The following SIPA1L1 variants were observed in gnomAD, a reference collection of about 807,000 sequenced individuals.
SIPA1L1 encodes signal induced proliferation associated 1 like 1.
SIPA1L1 carries 26 observed loss-of-function variants against 162.7 expected under a neutral mutation model. The ratio of observed to expected loss-of-function variants is 0.16; its 90% CI spans 0.12 to 0.22. The LOEUF (loss-of-function observed/expected upper bound fraction) is 0.22, where lower values mean the gene tolerates loss of function less well. Ranked by LOEUF, SIPA1L1 falls within the 10% of genes least tolerant of loss-of-function variation. The pLI is 1.00. For synonymous variants in SIPA1L1, 829 were observed against 837.4 expected, an observed-to-expected ratio of 0.99 and a Z score of 0.17; for missense variants, 1,874 against 2,241.0, an observed-to-expected ratio of 0.84 and a Z score of 3.31.
chr14:71,643,628 T>C (rs2148958719), intron 7 of SIPA1L1, among the ~76,000 whole-genome samples: 1 of 152,344 alleles, frequency 6.6e-6, no homozygotes, highest in East Asian at 1.9e-4. Flanking sequence ...TGGACTCACA[T>C]ATGTGCATCT....
intron 7 of SIPA1L1, among the ~76,000 whole-genome samples, chr14:71,643,361 T>G (rs1319511125): frequency 6.6e-6 from 1 of 152,208 alleles, no homozygotes; most frequent in Non-Finnish European, 1.5e-5. Context: ...AGTTCTCAGA[T>G]GTTTACGTCT....
At chr14:71,688,247 T>C (rs1438826554) in intron 13 of SIPA1L1, among the ~76,000 whole-genome samples, 1 of 152,218 alleles carries the variant, frequency 6.6e-6, no homozygotes, top group African/African-American at 2.4e-5. Context: ...TTTTGAGCAC[T>C]GACATGATGC....
intron 3 of SIPA1L1, among the ~76,000 whole-genome samples, chr14:71,523,527 T>C (rs1205108951): frequency 2.0e-5 from 3 of 152,240 alleles, no homozygotes; most frequent in African/African-American, 7.2e-5. Flanking sequence ...CTAACTGATC[T>C]CTACACTGCA....
intron 2 of SIPA1L1, among the ~76,000 whole-genome samples, chr14:71,484,352 A>G (rs1185046178): frequency 1.3e-5 from 2 of 151,026 alleles, no homozygotes; most frequent in Non-Finnish European, 2.9e-5. Flanking sequence ...TTGATACTCA[A>G]ATAAGTAATC....
At chr14:71,734,743 C>A (rs2085130250) in intron 21 of SIPA1L1, among the ~76,000 whole-genome samples, 1 of 152,124 alleles carries the variant, frequency 6.6e-6, no homozygotes, top group Admixed American at 6.5e-5. Context: ...CCTTCATATA[C>A]AAATGGTAGA....
chr14:71,353,875 T>C (rs951157053), intron 2 of SIPA1L1, among the ~76,000 whole-genome samples: 13 of 151,956 alleles, frequency 8.6e-5, no homozygotes, highest in African/African-American at 2.9e-4. Flanking sequence ...GCAGAAGATG[T>C]GGAGTAGTGC....
At chr14:71,727,146 C>T (rs1474293810) in intron 19 of SIPA1L1, among the ~76,000 whole-genome samples, 2 of 152,020 alleles carry the variant, frequency 1.3e-5, no homozygotes, top group Non-Finnish European at 2.9e-5. Flanking sequence ...GATAGGATAA[C>T]GTTATTTTCC....
chr14:71,417,064 C>T (rs1294647922), intron 2 of SIPA1L1, among the ~76,000 whole-genome samples: 2 of 151,998 alleles, frequency 1.3e-5, no homozygotes, highest in African/African-American at 4.8e-5. Flanking sequence ...ATGTAACTTT[C>T]GACTCCTCCA....
chr14:71,362,599 C>T (rs2037914739), intron 2 of SIPA1L1, among the ~76,000 whole-genome samples: 2 of 152,186 alleles, frequency 1.3e-5, no homozygotes, highest in Non-Finnish European at 2.9e-5. Context: ...CATCTTTGAT[C>T]AAATTGATAT....
chr14:71,551,308 G>A (rs189226443), intron 4 of SIPA1L1, among the ~76,000 whole-genome samples: 3 of 152,228 alleles, frequency 2.0e-5, no homozygotes, highest in Admixed American at 2.0e-4. Flanking sequence ...TGACACTGAA[G>A]TCTCACATTC....
chr14:71,683,675 A>G (rs558025596), intron 12 of SIPA1L1, among the ~76,000 whole-genome samples: 132 of 152,356 alleles, frequency 8.7e-4, no homozygotes, highest in African/African-American at 3.1e-3. Context: ...GCTTGAAATT[A>G]TATCAGAGCC....
At chr14:71,323,919 A>G (rs1048754512) in intron 2 of SIPA1L1, among the ~76,000 whole-genome samples, 1 of 152,222 alleles carries the variant, frequency 6.6e-6, no homozygotes, top group Non-Finnish European at 1.5e-5. Flanking sequence ...AAGGTTATAC[A>G]TAATAGGCAA....
At chr14:71,413,188 G>A (rs1392016226) in intron 2 of SIPA1L1, among the ~76,000 whole-genome samples, 1 of 152,170 alleles carries the variant, frequency 6.6e-6, no homozygotes, top group African/African-American at 2.4e-5. Flanking sequence ...AATGTTACCA[G>A]ATGTTGCAAG....
intron 2 of SIPA1L1, among the ~76,000 whole-genome samples, chr14:71,404,326 C>T (rs1465024797): frequency 6.6e-6 from 1 of 152,140 alleles, no homozygotes; most frequent in East Asian, 1.9e-4. Flanking sequence ...GGCAGATCAT[C>T]TGAGGTCAGG....
chr14:71,511,094 G>A (rs2081809513), intron 2 of SIPA1L1, among the ~76,000 whole-genome samples: 1 of 152,186 alleles, frequency 6.6e-6, no homozygotes, highest in African/African-American at 2.4e-5. Flanking sequence ...TTCCCCAGGT[G>A]AATTGAATTA....
chr14:71,382,556 C>G lies in SIPA1L1; in HGVS notation c.-465+61375C>G, dbSNP rs529599475. Among the ~76,000 whole-genome samples the G allele has an allele frequency of 3.3e-5, 5 of 152,154 alleles. No homozygotes were observed. In the East Asian group the frequency reaches 9.6e-4, roughly 29 times the overall value. ...AAGGTGACTCCATTTTGGCAGTTGT[C>G]GGTCTCTTTAAGAACACCATCTTGT... On this transcript the variant is annotated intron_variant, in intron 2 of 23. Transcript: ENST00000381232.
chr14:71,458,499 C>T (rs567296162), intron 2 of SIPA1L1, among the ~76,000 whole-genome samples: 1 of 152,092 alleles, frequency 6.6e-6, no homozygotes, highest in Non-Finnish European at 1.5e-5. Flanking sequence ...CAGGATTCAT[C>T]CCCATTATGA....
At chr14:71,462,004 C>G (rs1253537020) in intron 2 of SIPA1L1, among the ~76,000 whole-genome samples, 1 of 152,208 alleles carries the variant, frequency 6.6e-6, no homozygotes, top group Non-Finnish European at 1.5e-5. Context: ...CTTGTGCCTT[C>G]AGGATGTGCT....
intron 4 of SIPA1L1, among the ~76,000 whole-genome samples, chr14:71,551,370 TA>T (rs1201062760): frequency 6.6e-6 from 1 of 152,238 alleles, no homozygotes; most frequent in Non-Finnish European, 1.5e-5. Context: ...TCCCTATTTA[TA>T]GTCCTTAAAC....
Sources: allele counts gnomAD v4.1 joint callset (sites outside exome capture counted in the v4.1 genomes callset), GRCh38; gene constraint gnomAD v4.1.1; transcripts MANE v1.5; gene names NCBI Gene and HGNC (gene_info 2026-07-23, HGNC 2026-07-21).